The following CPVL variants were observed in gnomAD, a reference collection of about 807,000 sequenced individuals.
The protein encoded by CPVL is probable serine carboxypeptidase CPVL.
In CPVL, 51 loss-of-function variants were observed where a neutral mutation model predicts 63.7. The observed-to-expected ratio is 0.80, with a 90% CI of 0.64 to 1.01. The LOEUF is 1.01. CPVL is among the 50% of genes least tolerant of loss of function. The pLI, the probability that CPVL is intolerant of heterozygous loss-of-function variation, is 0.00. For missense variants in CPVL, 530 were observed against 573.1 expected, an observed-to-expected ratio of 0.92 and a Z score of 0.77; for synonymous variants, 195 against 206.0, an observed-to-expected ratio of 0.95 and a Z score of 0.46.
intron 5 of CPVL, among the ~76,000 whole-genome samples, chr7:29,093,377 C>CAAAAAA (rs371165878): frequency 1.7e-4 from 12 of 69,892 alleles, no homozygotes; most frequent in Non-Finnish European, 2.6e-4. Context: ...ACTCCGTCTC[C>CAAAAAA]AAAAAAAAAA....
chr7:29,163,960 A>T (rs573363726), intron 5 of CPVL, among the ~76,000 whole-genome samples: 1 of 152,360 alleles, frequency 6.6e-6, no homozygotes, highest in South Asian at 2.1e-4. Flanking sequence ...GACTATTACA[A>T]ATAAAGCTGC....
chr7:29,149,937 G>T (rs1424545418), upstream of CPVL, among the ~76,000 whole-genome samples: 2 of 152,164 alleles, frequency 1.3e-5, no homozygotes, highest in African/African-American at 4.8e-5. Context: ...TTACTTCTAT[G>T]AAGACTCATT....
chr7:29,054,245 GC>G (rs1459398956), intron 11 of CPVL, among the ~76,000 whole-genome samples: 1 of 152,032 alleles, frequency 6.6e-6, no homozygotes, highest in Non-Finnish European at 1.5e-5. Context: ...TCTTCTTGTA[GC>G]TCAGATTTTC....
chr7:29,052,099 A>C (rs1421690246), intron 11 of CPVL, among the ~76,000 whole-genome samples: 1 of 151,970 alleles, frequency 6.6e-6, no homozygotes, highest in African/African-American at 2.4e-5. Flanking sequence ...GAACTAAGCT[A>C]TGAGGACGCA....
At chr7:29,041,313 G>A (rs1269592977) in intron 11 of CPVL, among the ~76,000 whole-genome samples, 2 of 151,948 alleles carry the variant, frequency 1.3e-5, no homozygotes, top group East Asian at 1.9e-4. Flanking sequence ...CGGACCTCAA[G>A]TGATCCACCC....
intron 11 of CPVL, among the ~76,000 whole-genome samples, chr7:29,037,096 C>G (rs1301268829): frequency 6.6e-6 from 1 of 152,156 alleles, no homozygotes; most frequent in Non-Finnish European, 1.5e-5. Flanking sequence ...AGTGGCAAAC[C>G]TAAAGTGTGA....
At chr7:29,149,419 C>T (rs181511248), upstream of CPVL, among the ~76,000 whole-genome samples, 2 of 152,140 alleles carry the variant, frequency 1.3e-5, no homozygotes, top group African/African-American at 4.8e-5. Context: ...GTCTCGAACT[C>T]CTGACCGCAA....
At position 29,154,607 on chromosome 7, in the gene CPVL, G is replaced by A. The variant is rs566105382; in HGVS notation, c.-11+26683C>T. Among the ~76,000 whole-genome samples the A allele has an allele frequency of 2.0e-5, 3 of 152,310 alleles. No individual in the cohort carries two copies. In the East Asian group the frequency reaches 5.8e-4, roughly 29 times the overall value. ...CCAGCACTTTGGGAGGCCGAGGCAG[G>A]CAGATTTCTTGAGGTCAGGAGTTTG... On this transcript the variant is annotated intron_variant, in intron 5 of 16. Transcript: ENST00000409850.
chr7:29,194,919 A>G, intron 1 of CPVL: 1 of 1,547,768 alleles, frequency 6.5e-7, no homozygotes, highest in Non-Finnish European at 8.7e-7. Context: ...CTGAGCGAGC[A>G]GCGACGCGAG....
chr7:29,098,363 C>T (rs1376304610), intron 3 of CPVL, among the ~76,000 whole-genome samples: 2 of 152,142 alleles, frequency 1.3e-5, no homozygotes, highest in African/African-American at 2.4e-5. Flanking sequence ...TGGAAAGGGG[C>T]CCAGGGGGAC....
At chr7:29,091,549 G>T (rs913266037) in intron 6 of CPVL, among the ~76,000 whole-genome samples, 1 of 150,280 alleles carries the variant, frequency 6.7e-6, no homozygotes, top group Non-Finnish European at 1.5e-5. Flanking sequence ...GTGCTGGGGG[G>T]AACACCCCGT....
intron 2 of CPVL, among the ~76,000 whole-genome samples, chr7:29,115,184 A>T (rs1210762581): frequency 6.6e-6 from 1 of 152,238 alleles, no homozygotes; most frequent in Non-Finnish European, 1.5e-5. Flanking sequence ...CCCTTAGCCT[A>T]GCACTGCACA....
chr7:29,037,552 C>CAAAAAAAAAA (rs35631871), intron 11 of CPVL, among the ~76,000 whole-genome samples: 25 of 56,170 alleles, frequency 4.5e-4, no homozygotes, highest in East Asian at 1.7e-3. Flanking sequence ...GACTCCATCT[C>CAAAAAAAAAA]AAAAAAAAAA....
intron 3 of CPVL, among the ~76,000 whole-genome samples, chr7:29,107,877 C>T (rs895487627): frequency 1.3e-5 from 2 of 152,196 alleles, no homozygotes; most frequent in Non-Finnish European, 1.5e-5. Flanking sequence ...CCTGATTCCA[C>T]GCCTTCACCC....
chr7:28,995,903 G>T, intron 12 of CPVL, 21 bp from the exon 13 acceptor site: 2 of 1,400,248 alleles, frequency 1.4e-6, no homozygotes, highest in Non-Finnish European at 2.0e-6. Flanking sequence ...AAAAGTAAAA[G>T]AACGGAAATT....
chr7:29,099,347 T>G (rs1373866145), intron 3 of CPVL, among the ~76,000 whole-genome samples: 1 of 152,224 alleles, frequency 6.6e-6, no homozygotes, highest in Admixed American at 6.5e-5. Flanking sequence ...TCAGTTTTAC[T>G]AGTTATTCCC....
chr7:29,069,257 C>A (rs888687684), intron 9 of CPVL, among the ~76,000 whole-genome samples: 4 of 151,310 alleles, frequency 2.6e-5, no homozygotes, highest in African/African-American at 9.7e-5. Context: ...CCAGCCAACA[C>A]GGTGAAAACC....
intron 12 of CPVL, among the ~76,000 whole-genome samples, chr7:29,027,816 TA>T (rs1281861286): frequency 6.6e-6 from 1 of 152,180 alleles, no homozygotes; most frequent in Non-Finnish European, 1.5e-5. Flanking sequence ...AATGCTGATG[TA>T]AGAAGTTGAA....
Position 29,184,213 on chromosome 7 carries a change from TAGA to T in CPVL, c.-134+205_-134+207del, listed in dbSNP as rs1798430962. Among the ~76,000 whole-genome samples, 7 of 149,904 alleles carry T rather than the reference TAGA, an allele frequency of 4.7e-5. No individual in the cohort carries two copies. In the South Asian group the frequency reaches 1.5e-3, roughly 32 times the overall value. ...GATAGATAGATAAAAGAGATATTTA[TAGA>T]AGAAATATATATAGGAGATATACAT... On this transcript the variant is annotated intron_variant, in intron 4 of 16. Coordinates refer to the CPVL transcript ENST00000409850.
Sources: gnomAD v4.1 joint callset for allele counts (sites outside exome capture counted in the v4.1 genomes callset) on GRCh38, gnomAD v4.1.1 for gene constraint, MANE v1.5 for transcripts, NCBI Gene and HGNC (gene_info 2026-07-23, HGNC 2026-07-21) for gene names.